The following ASAP1 variants were observed in gnomAD, a reference collection of about 807,000 sequenced individuals.
ASAP1 encodes arf-GAP with SH3 domain, ANK repeat and PH domain-containing protein 1.
ASAP1 carries 43 observed loss-of-function variants against 145.2 expected under a neutral mutation model. The ratio of observed to expected loss-of-function variants is 0.30; its 90% CI spans 0.23 to 0.38. The LOEUF (loss-of-function observed/expected upper bound fraction) is 0.38. Ranked by LOEUF, ASAP1 falls within the 10% of genes least tolerant of loss-of-function variation. ASAP1 has a pLI of 1.00. For synonymous variants in ASAP1, 546 were observed against 515.5 expected (o/e 1.06, Z -0.80); for missense variants, 1,018 against 1,355.3 (o/e 0.75, Z 3.91).
At chr8:130,091,546 T>A (rs752172658) in intron 25 of ASAP1, among the ~76,000 whole-genome samples, 1 of 152,158 alleles carries the variant, frequency 6.6e-6, no homozygotes, top group African/African-American at 2.4e-5. Flanking sequence ...GGAGCTTGCA[T>A]TTATCTGAAG....
intron 2 of ASAP1, among the ~76,000 whole-genome samples, chr8:130,388,090 G>C (rs1018442336): frequency 6.6e-6 from 1 of 152,204 alleles, no homozygotes; most frequent in African/African-American, 2.4e-5. Context: ...AGGATGTGAC[G>C]ACCATGGAGT....
rs1003227411 is a variant in ASAP1, at chr8:130,399,158, A to G, written c.59+2727T>C. Among the ~76,000 whole-genome samples, 17 of 152,190 alleles carry G rather than the reference A, an allele frequency of 1.1e-4. 1 individual carries two copies. The highest frequency in any genetic ancestry group is 5.9e-5 in the Non-Finnish European group (4 of 68,030). Reference sequence around the variant, plus strand: ...TGTTAGATGTGATGGCTAGAGCAGAAGCAGCTAAAATGGGGCTGTGAGGTG... The same window carrying G: ...TGTTAGATGTGATGGCTAGAGCAGAGGCAGCTAAAATGGGGCTGTGAGGTG... On this transcript the variant is annotated intron_variant, in intron 2 of 29. Coordinates refer to ENST00000518721, the MANE Select transcript of ASAP1 (RefSeq NM_018482.4).
chr8:130,423,723 T>C (rs996556685), intron 1 of ASAP1, among the ~76,000 whole-genome samples: 4 of 152,234 alleles, frequency 2.6e-5, no homozygotes, highest in Non-Finnish European at 5.9e-5. Context: ...TATATCAGCA[T>C]AGAGAGACAA....
At chr8:130,080,478 CT>C (rs398047411) in intron 25 of ASAP1, among the ~76,000 whole-genome samples, 243 of 71,172 alleles carry the variant, frequency 3.4e-3, no homozygotes, top group African/African-American at 9.6e-3. Flanking sequence ...CATTCTCTCT[CT>C]TTTTTTTTTT....
chr8:130,260,709 A>G (rs932974787), intron 3 of ASAP1, among the ~76,000 whole-genome samples: 8 of 152,150 alleles, frequency 5.3e-5, no homozygotes, highest in Non-Finnish European at 8.8e-5. Flanking sequence ...GCATGGATCA[A>G]TTTGGCCTCT....
At chr8:130,433,049 T>C (rs555366848) in intron 1 of ASAP1, among the ~76,000 whole-genome samples, 34 of 152,348 alleles carry the variant, frequency 2.2e-4, no homozygotes, top group South Asian at 8.3e-4. Flanking sequence ...TCCACCCTGC[T>C]GCCATTCTAT....
At chr8:130,357,555 C>G (rs1475297766) in intron 3 of ASAP1, among the ~76,000 whole-genome samples, 1 of 152,268 alleles carries the variant, frequency 6.6e-6, no homozygotes, top group African/African-American at 2.4e-5. Context: ...CTCGTCTCCG[C>G]AGCTACGCCT....
chr8:130,132,580 G>A (rs138642426), intron 15 of ASAP1, among the ~76,000 whole-genome samples: 134 of 152,240 alleles, frequency 8.8e-4, no homozygotes, highest in African/African-American at 3.1e-3. Context: ...TGTGTGCCCC[G>A]AGTCTATTCC....
chr8:130,264,820 A>G (rs1196471415), intron 3 of ASAP1, among the ~76,000 whole-genome samples: 1 of 152,172 alleles, frequency 6.6e-6, no homozygotes, highest in Non-Finnish European at 1.5e-5. Context: ...ATCACTATGT[A>G]CGCAAAGGGG....
chr8:130,285,086 T>C (rs1179078629), intron 3 of ASAP1, among the ~76,000 whole-genome samples: 4 of 152,188 alleles, frequency 2.6e-5, no homozygotes, highest in African/African-American at 9.6e-5. Flanking sequence ...TGAGTCTTCC[T>C]TGACAGCAAC....
intron 3 of ASAP1, among the ~76,000 whole-genome samples, chr8:130,353,049 G>C (rs1317931026): frequency 1.3e-5 from 2 of 152,166 alleles, no homozygotes; most frequent in Non-Finnish European, 2.9e-5. Context: ...TCTGTATATT[G>C]ACTACATGGT....
At chr8:130,278,661 T>C (rs544890147) in intron 3 of ASAP1, among the ~76,000 whole-genome samples, 31 of 152,234 alleles carry the variant, frequency 2.0e-4, no homozygotes, top group East Asian at 3.9e-4. Flanking sequence ...TCGAGAGACA[T>C]TGGACGAAAA....
chr8:130,382,285 CAAAAAAAAAAA>C (rs35060121), intron 2 of ASAP1, among the ~76,000 whole-genome samples: 2 of 73,506 alleles, frequency 2.7e-5, no homozygotes, highest in East Asian at 4.5e-4. Flanking sequence ...GATTCTGTCT[CAAAAAAAAAAA>C]AAAAAAAAAA....
chr8:130,137,944 G>A (rs2097599132), intron 13 of ASAP1, among the ~76,000 whole-genome samples: 1 of 152,196 alleles, frequency 6.6e-6, no homozygotes, highest in Non-Finnish European at 1.5e-5. Flanking sequence ...GCCCAGGCTG[G>A]GCTGTGCTCG....
rs922988176 is a variant in ASAP1 at position 130,065,735 on chromosome 8, C to T, written c.2702-4666G>A. ...ATTTATAAAACAGTTACAGCAATGC[C>T]GCCACCTAAAATCTGGAGAAGCCAG... On this transcript the variant is annotated intron_variant, in intron 27 of 29. Transcript: ENST00000518721. Among the ~76,000 whole-genome samples the T allele has an allele frequency of 3.3e-5, 5 of 152,254 alleles. No individual in the cohort carries two copies. The South Asian group carries it at 6.2e-4, about 19-fold the overall frequency.
chr8:130,171,490 T>C (rs772600861), intron 9 of ASAP1, among the ~76,000 whole-genome samples: 4 of 152,130 alleles, frequency 2.6e-5, no homozygotes, highest in Non-Finnish European at 4.4e-5. Flanking sequence ...ATCAGATTCC[T>C]TGAGACTCAC....
chr8:130,232,656 T>C (rs935857289), intron 4 of ASAP1, among the ~76,000 whole-genome samples: 4 of 152,082 alleles, frequency 2.6e-5, no homozygotes, highest in Non-Finnish European at 4.4e-5. Context: ...CTCATTTTTA[T>C]AATGTTTACT....
intron 3 of ASAP1, among the ~76,000 whole-genome samples, chr8:130,279,143 T>A (rs1462298591): frequency 6.6e-6 from 1 of 151,902 alleles, no homozygotes; most frequent in African/African-American, 2.4e-5. Context: ...TGATTCACAA[T>A]GAGACAGAGA....
chr8:130,224,474 A>G (rs745617172), intron 4 of ASAP1, among the ~76,000 whole-genome samples: 18 of 151,952 alleles, frequency 1.2e-4, no homozygotes, highest in Non-Finnish European at 2.2e-4. Context: ...TTCCAATCCC[A>G]CCTCCTTAAG....
Sources: allele counts gnomAD v4.1 joint callset (sites outside exome capture counted in the v4.1 genomes callset), GRCh38; gene constraint gnomAD v4.1.1; transcripts MANE v1.5; gene names NCBI Gene and HGNC (gene_info 2026-07-23, HGNC 2026-07-21).